The following ZMYM1 variants were observed in gnomAD, a reference collection of about 807,000 sequenced individuals.
ZMYM1 encodes the protein zinc finger MYM-type protein 1.
ZMYM1 carries 39 observed loss-of-function variants against 60.0 expected under a neutral mutation model. The observed-to-expected ratio is 0.65, with a 90% confidence interval of 0.50 to 0.85. The LOEUF (loss-of-function observed/expected upper bound fraction) is 0.85, where lower values mean the gene tolerates loss of function less well. Ranked by LOEUF, ZMYM1 falls within the 40% of genes least tolerant of loss-of-function variation. The pLI is 0.00. For missense variants in ZMYM1, 1,171 were observed against 1,309.5 expected (o/e 0.89, Z 1.63); for synonymous variants, 413 against 454.0 (o/e 0.91, Z 1.15).
At chr1:35,088,434 G>GTATATATATA (rs58346528) in intron 1 of ZMYM1, among the ~76,000 whole-genome samples, 1,815 of 67,824 alleles carry the variant, frequency 0.027, 56 homozygotes, top group Non-Finnish European at 0.038. Flanking sequence ...GTGTTTATGT[G>GTATATATATA]TATATATATA....
intron 7 of ZMYM1, among the ~76,000 whole-genome samples, chr1:35,110,921 G>A (rs957305637): frequency 2.0e-5 from 3 of 152,022 alleles, no homozygotes; most frequent in Admixed American, 1.3e-4. Context: ...GTGACAGAGT[G>A]AGACTCCATC....
chr1:35,104,350 T>C lies in ZMYM1; in HGVS notation c.475T>C (p.Cys159Arg). 2 of 1,612,046 alleles carry C rather than the reference T, an allele frequency of 1.2e-6. No homozygotes were observed. The highest frequency in any genetic ancestry group is 1.7e-6 in the Non-Finnish European group (2 of 1,179,464). The change falls in exon 5 of 10, where the codon TGC (cysteine) becomes CGC (arginine). Residue 159 changes from cysteine (C) to arginine (R), a missense_variant. Transcript: ENST00000359858. ...ISVQLEDTTS[C>R]KTFCSLSCLS... ...TGTCCAGCTGGAAGACACTACCTCT[T>C]GCAAAACTTTTTGCAGCCTATCTTG...
intron 1 of ZMYM1, among the ~76,000 whole-genome samples, chr1:35,084,845 G>T (rs115879768): frequency 0.016 from 2,400 of 152,028 alleles, 68 homozygotes; most frequent in African/African-American, 0.054. Flanking sequence ...CTCCCAGATT[G>T]TGCCTCTTGA....
At chr1:35,112,048 T>C in intron 8 of ZMYM1, 39 bp from the exon 9 acceptor site, 1 of 1,601,108 alleles carries the variant, frequency 6.2e-7, no homozygotes, top group Non-Finnish European at 8.5e-7. Flanking sequence ...TTATAGGTTA[T>C]AGTATATAAG....
chr1:35,112,016 A>G, intron 8 of ZMYM1, 71 bp from the exon 9 acceptor site: 1 of 1,561,116 alleles, frequency 6.4e-7, no homozygotes, highest in Non-Finnish European at 8.7e-7. Context: ...TGAAATAAGC[A>G]AATATAGTTT....
At chr1:35,097,180 A>C in intron 3 of ZMYM1, 137 bp from the exon 4 acceptor site, 2 of 957,714 alleles carry the variant, frequency 2.1e-6, no homozygotes, top group Non-Finnish European at 3.1e-6. Context: ...TGATCGTATC[A>C]CTACACTGCC....
intron 1 of ZMYM1, among the ~76,000 whole-genome samples, chr1:35,068,513 T>G (rs904751895): frequency 4.7e-5 from 7 of 149,652 alleles, no homozygotes; most frequent in Non-Finnish European, 1.0e-4. Flanking sequence ...TAACAGAGGG[T>G]AGACAGTCAA....
chr1:35,114,822 T>G lies in ZMYM1; in HGVS notation c.2992T>G (p.Leu998Val), dbSNP rs776824609. 1 of 1,605,336 alleles carries G rather than the reference T, an allele frequency of 6.2e-7. No individual in the cohort carries two copies. Among genetic ancestry groups the G allele is most frequent in the Non-Finnish European group, 8.5e-7 (1 of 1,176,996 alleles). ...YCKIKQISELLFKWNEPLNET... is the reference protein window; with the variant it reads ...YCKIKQISELVFKWNEPLNET... ...CAAAATAAAGCAAATTTCAGAACTG[T>G]TATTTAAATGGAATGAACCATTAAA... Residue 998 changes from leucine to valine, a missense_variant, in exon 10 of 10, where the codon TTA becomes GTA. Transcript: ENST00000359858.
upstream of ZMYM1, among the ~76,000 whole-genome samples, chr1:35,074,518 C>T (rs538205968): frequency 1.4e-4 from 22 of 152,154 alleles, no homozygotes; most frequent in South Asian, 3.5e-3. Flanking sequence ...AAGCGATTCT[C>T]CTGCCTCAGC....
At chr1:35,096,024 TGAAA>T in intron 3 of ZMYM1, 133 bp downstream of exon 3, 1 of 697,104 alleles carries the variant, frequency 1.4e-6, no homozygotes, top group South Asian at 1.9e-5. Flanking sequence ...TGTAAGAAAA[TGAAA>T]GAGAGGCCGT....
At chr1:35,090,958 A>C (rs1158155718) in intron 1 of ZMYM1, among the ~76,000 whole-genome samples, 3 of 152,072 alleles carry the variant, frequency 2.0e-5, no homozygotes, top group Non-Finnish European at 1.5e-5. Context: ...AAAAAAAAAA[A>C]GACTTAATTA....
intron 1 of ZMYM1, among the ~76,000 whole-genome samples, chr1:35,080,059 C>G (rs911507388): frequency 2.0e-5 from 3 of 150,562 alleles, no homozygotes; most frequent in Non-Finnish European, 2.9e-5. Flanking sequence ...TGCATTTAGT[C>G]GAGATCGTGC....
Position 35,113,099 on chromosome 1 carries a change from A to G in ZMYM1, c.1269A>G (p.Val423=), listed in dbSNP as rs1045459566. The G allele has an allele frequency of 6.2e-7, 1 of 1,614,014 alleles. No individual in the cohort carries two copies. Among genetic ancestry groups the G allele is most frequent in the African/African-American group, 1.3e-5 (1 of 74,942 alleles). ...ATGCAATTGGTTCCAGTACAGAAGT[A>G]CAAAAAGACAATATGAAATCTATGA... ...SQHAIGSSTE[V]QKDNMKSMKI... is the part of the protein sequence containing the mutation. The change falls in exon 10 of 10, where the codon GTA becomes GTG. Residue 423 remains valine (V), a synonymous_variant. Coordinates refer to ENST00000359858, the MANE Select transcript of ZMYM1 (RefSeq NM_024772.5).
chr1:35,106,415 C>G (rs1338238118), intron 6 of ZMYM1, among the ~76,000 whole-genome samples: 1 of 152,018 alleles, frequency 6.6e-6, no homozygotes, highest in Admixed American at 6.6e-5. Context: ...TGGAGACCAG[C>G]CTGGCCAACA....
chr1:35,100,293 C>T (rs1429825001), intron 4 of ZMYM1, among the ~76,000 whole-genome samples: 1 of 151,936 alleles, frequency 6.6e-6, no homozygotes, highest in African/African-American at 2.4e-5. Context: ...ATGGAAGATC[C>T]CTTTGAAGAT....
intron 1 of ZMYM1, among the ~76,000 whole-genome samples, chr1:35,086,301 GTTTAT>G (rs1396201700): frequency 3.3e-5 from 5 of 151,922 alleles, no homozygotes; most frequent in Non-Finnish European, 7.4e-5. Context: ...TGGGTTATTA[GTTTAT>G]TTTATTTATT....
intron 1 of ZMYM1, among the ~76,000 whole-genome samples, chr1:35,092,337 A>G (rs1412491734): frequency 1.3e-5 from 2 of 151,182 alleles, no homozygotes; most frequent in Admixed American, 1.3e-4. Flanking sequence ...GGTTGAAGTG[A>G]TTCTCCTGCC....
In ZMYM1 at chr1:35,114,637, A is replaced by C; in HGVS notation, c.2807A>C (p.Gln936Pro). The C allele has an allele frequency of 6.3e-7, 1 of 1,598,962 alleles. No homozygotes were observed. The highest frequency in any genetic ancestry group is 8.5e-7 in the Non-Finnish European group (1 of 1,176,232). Residue 936 changes from glutamine (Q) to proline (P), a missense_variant, in exon 10 of 10, where the codon CAG becomes CCG. Gln to Pro is a moderately conservative substitution (Grantham distance 76). Transcript: ENST00000359858. ...TTTAAAGTTGAAAAACCTTCTCTTC[A>C]GAAAAGAAGAAAAATTCAGAAATCA... is the stretch of plus-strand genomic sequence containing the variant. ...KGFKVEKPSL[Q>P]KRRKIQKSVD...
At position 35,094,045 on chromosome 1, in the gene ZMYM1, C is replaced by T; in HGVS notation, c.58C>T (p.Leu20=). 2 of 1,610,760 alleles carry T rather than the reference C, an allele frequency of 1.2e-6. No homozygotes were observed. The highest frequency in any genetic ancestry group is 1.7e-6 in the Non-Finnish European group (2 of 1,178,174). ...CAAGGCAGTGGCATCACAGCTGGGG[C>T]TGCTAGATGAAATTAAGACAGAACC... The part of the protein sequence containing the change: ...CDKAVASQLG[L]LDEIKTEPDN... The change falls in exon 2 of 10, where the codon CTG becomes TTG. Residue 20 remains leucine (L), a synonymous_variant. Transcript: ENST00000359858.
Sources: allele counts gnomAD v4.1 joint callset (sites outside exome capture counted in the v4.1 genomes callset), GRCh38; gene constraint gnomAD v4.1.1; transcripts MANE v1.5; gene names NCBI Gene and HGNC (gene_info 2026-07-23, HGNC 2026-07-21).